TRIQK: variants seen among roughly 807,000 people sequenced by gnomAD.
TRIQK encodes triple QxxK/R motif containing.
TRIQK carries 10 observed loss-of-function variants against 10.8 expected under a neutral mutation model. The ratio of observed to expected loss-of-function variants is 0.92; its 90% CI spans 0.57 to 1.57. The LOEUF (loss-of-function observed/expected upper bound fraction) is 1.57, where lower values mean the gene tolerates loss of function less well. Among genes scored for constraint, TRIQK ranks in the 40% most tolerant of loss-of-function variants. The pLI, the probability that TRIQK is intolerant of heterozygous loss-of-function variation, is 0.00. For missense variants in TRIQK, 107 were observed against 97.7 expected (o/e 1.09, Z -0.40); for synonymous variants, 33 against 33.7 (o/e 0.98, Z 0.07).
chr8:92,951,232 A>C (rs971030053), intron 2 of TRIQK, among the ~76,000 whole-genome samples: 6 of 152,104 alleles, frequency 3.9e-5, no homozygotes, highest in Non-Finnish European at 2.9e-5. Flanking sequence ...TACTAAAAAA[A>C]TCTATGATCT....
chr8:92,891,398 C>A (rs1275623692), intron 4 of TRIQK, among the ~76,000 whole-genome samples: 1 of 151,852 alleles, frequency 6.6e-6, no homozygotes, highest in Non-Finnish European at 1.5e-5. Flanking sequence ...AAAAGATTGA[C>A]ATGGGCAATA....
rs12541249 is a variant in TRIQK at position 93,009,375 on chromosome 8, C to T, written c.-181+8234G>A. The stretch of plus-strand genomic sequence containing the variant: ...CTGTAATTGCAGCACTTTGGGAGGC[C>T]GAGGTGGGCAGATCACCTGAGGTCA... On this transcript the variant is annotated intron_variant, in intron 1 of 4. Coordinates refer to the TRIQK transcript ENST00000520686. 7.3e-3 allele frequency among the ~76,000 whole-genome samples: 1,115 copies of T among 152,144 alleles called. 49 individuals carry two copies. Among genetic ancestry groups the T allele is most frequent in the Admixed American group, 0.068 (1,046 of 15,280 alleles).
At chr8:92,944,382 C>G (rs112364020) in intron 2 of TRIQK, among the ~76,000 whole-genome samples, 4,442 of 151,304 alleles carry the variant, frequency 0.029, 85 homozygotes, top group South Asian at 0.05. Context: ...CAAATAAAAT[C>G]AGTTTGTCAA....
At chr8:92,909,738 A>G (rs988078120) in intron 3 of TRIQK, among the ~76,000 whole-genome samples, 1 of 151,774 alleles carries the variant, frequency 6.6e-6, no homozygotes, top group African/African-American at 2.4e-5. Context: ...GCAAAAATTT[A>G]TACATGGAGG....
intron 3 of TRIQK, among the ~76,000 whole-genome samples, chr8:92,898,047 C>T (rs1294113640): frequency 1.3e-5 from 2 of 152,016 alleles, no homozygotes; most frequent in Non-Finnish European, 2.9e-5. Flanking sequence ...TGTTGTTCCC[C>T]TGTTTTTGCT....
At chr8:92,990,688 G>T (rs1343384499) in intron 1 of TRIQK, among the ~76,000 whole-genome samples, 1 of 152,154 alleles carries the variant, frequency 6.6e-6, no homozygotes, top group Admixed American at 6.5e-5. Context: ...AAAGCCTTGA[G>T]GGACTGTGCC....
intron 1 of TRIQK, among the ~76,000 whole-genome samples, chr8:92,991,328 T>A (rs1208070604): frequency 1.3e-5 from 2 of 152,108 alleles, no homozygotes; most frequent in Non-Finnish European, 2.9e-5. Context: ...GAGAGCAACT[T>A]CAGCAAACTT....
chr8:92,985,898 G>A (rs1352535191), intron 1 of TRIQK, among the ~76,000 whole-genome samples: 1 of 152,090 alleles, frequency 6.6e-6, no homozygotes, highest in Non-Finnish European at 1.5e-5. Flanking sequence ...CACACTGCCA[G>A]AGTTCATAAA....
intron 2 of TRIQK, among the ~76,000 whole-genome samples, chr8:92,943,474 G>C (rs920634235): frequency 1.3e-5 from 2 of 152,084 alleles, no homozygotes; most frequent in African/African-American, 4.8e-5. Context: ...CATAAAAACA[G>C]ACACACAGAC....
At chr8:92,888,853 T>TA (rs1816617001) in intron 4 of TRIQK, among the ~76,000 whole-genome samples, 1 of 151,512 alleles carries the variant, frequency 6.6e-6, no homozygotes, top group South Asian at 2.1e-4. Context: ...ACCTTTTAAA[T>TA]AAAAAAGCAA....
chr8:92,996,229 A>G lies in TRIQK; in HGVS notation c.-181+21380T>C, dbSNP rs189276525. On this transcript the variant is annotated intron_variant, in intron 1 of 4. Transcript: ENST00000520686. ...ATTTTTGTGCTACATCTCCAGCACT[A>G]CACTTGGTGTAAGTCTTCCATTCTG... is the stretch of plus-strand genomic sequence containing the variant. 4.1e-3 allele frequency among the ~76,000 whole-genome samples: 624 copies of G among 152,216 alleles called. 1 individual carries two copies. The highest frequency in any genetic ancestry group is 6.8e-3 in the Middle Eastern group (2 of 294).
intron 1 of TRIQK, among the ~76,000 whole-genome samples, chr8:93,010,433 G>A (rs142909657): frequency 2.1e-3 from 315 of 151,384 alleles, no homozygotes; most frequent in African/African-American, 7.3e-3. Flanking sequence ...GGTAGTCAAA[G>A]CATAAGAAGT....
chr8:92,966,437 G>A (rs996163193), upstream of TRIQK, among the ~76,000 whole-genome samples: 3 of 152,020 alleles, frequency 2.0e-5, no homozygotes, highest in Non-Finnish European at 2.9e-5. Context: ...CATCCCTAAG[G>A]AGCGTCCCTA....
At position 92,885,031 on chromosome 8, in the gene TRIQK, G is replaced by A. The variant is rs999616602; in HGVS notation, c.*1591C>T. The A allele has an allele frequency of 4.4e-6, 2 of 455,792 alleles. No homozygotes were observed. Among genetic ancestry groups the A allele is most frequent in the Non-Finnish European group, 8.8e-6 (2 of 226,558 alleles). The allele number at this position is 455,792 out of a possible 1,614,324, so 28.2% of individuals were successfully genotyped here. On this transcript the variant is annotated 3_prime_UTR_variant, in exon 5 of 5. Coordinates refer to ENST00000521988, the MANE Select transcript of TRIQK (RefSeq NM_001171797.2). Reference sequence around the variant, plus strand: ...CACTTGGATTGGTCCGCTGTGGTGAGTATATAAGAACTCTTGGTCTGTCTC... The same window carrying A: ...CACTTGGATTGGTCCGCTGTGGTGAATATATAAGAACTCTTGGTCTGTCTC...
At chr8:92,895,460 T>C (rs555834565) in intron 3 of TRIQK, among the ~76,000 whole-genome samples, 1 of 152,214 alleles carries the variant, frequency 6.6e-6, no homozygotes, top group Non-Finnish European at 1.5e-5. Flanking sequence ...AAACCCTGTA[T>C]TGCCATGAAG....
At chr8:92,928,092 G>A (rs1450147556) in intron 2 of TRIQK, 2 of 152,116 alleles carry the variant, frequency 1.3e-5, no homozygotes, top group African/African-American at 4.8e-5. Flanking sequence ...AAGATAGAGA[G>A]GGAAGGAAAT....
chr8:92,960,682 G>A (rs1238314710), intron 1 of TRIQK: 2 of 152,160 alleles, frequency 1.3e-5, no homozygotes, highest in African/African-American at 4.8e-5. Flanking sequence ...TTGGAAGAAG[G>A]AGGCCATAAG....
At chr8:92,967,235 T>G (rs1279227165), upstream of TRIQK, among the ~76,000 whole-genome samples, 2 of 151,852 alleles carry the variant, frequency 1.3e-5, no homozygotes, top group African/African-American at 4.8e-5. Flanking sequence ...TCCTTCCATA[T>G]TAAACCAAAA....
chr8:92,921,574 T>C (rs1810188826), intron 2 of TRIQK: 1 of 151,814 alleles, frequency 6.6e-6, no homozygotes, highest in Non-Finnish European at 1.5e-5. Flanking sequence ...ACTCTGAACA[T>C]GAGTGATGAA....
Sources: allele counts gnomAD v4.1 joint callset (sites outside exome capture counted in the v4.1 genomes callset), GRCh38; gene constraint gnomAD v4.1.1; transcripts MANE v1.5; gene names NCBI Gene and HGNC (gene_info 2026-07-23, HGNC 2026-07-21).